The following ASPRV1 variants were observed in gnomAD, a reference collection of about 807,000 sequenced individuals.
The protein encoded by ASPRV1 is aspartic peptidase retroviral like 1.
ASPRV1 carries 7 observed loss-of-function variants against 11.0 expected under a neutral mutation model. The observed-to-expected ratio is 0.64, with a 90% CI of 0.36 to 1.20. The LOEUF (loss-of-function observed/expected upper bound fraction) is 1.20, where lower values mean the gene tolerates loss of function less well. Ranked by LOEUF, ASPRV1 falls within the 50% of genes most tolerant of loss-of-function variation. The pLI is 0.02. For synonymous variants in ASPRV1, 136 were observed against 138.4 expected, an observed-to-expected ratio of 0.98 and a Z score of 0.12; for missense variants, 299 against 320.0, an observed-to-expected ratio of 0.93 and a Z score of 0.50.
the ASPRV1 span, among the ~76,000 whole-genome samples, chr2:70,068,308 C>A: frequency 6.6e-6 from 1 of 152,172 alleles, no homozygotes; most frequent in African/African-American, 2.4e-5. Context: ...AGGAATGGGG[C>A]TGAAGTACAG....
chr2:69,933,526 T>C, the ASPRV1 span, among the ~76,000 whole-genome samples: 81,364 of 152,008 alleles, frequency 0.54, 23,756 homozygotes, highest in African/African-American at 0.79. Flanking sequence ...GCCCTTGTGC[T>C]ATTACCTCTT....
the ASPRV1 span, among the ~76,000 whole-genome samples, chr2:69,983,107 C>T: frequency 2.0e-5 from 3 of 152,094 alleles, no homozygotes; most frequent in Non-Finnish European, 4.4e-5. Context: ...TTAGTAGAGA[C>T]AGGGTTTCAC....
upstream of ASPRV1, chr2:69,963,140 C>A (rs1365081772): frequency 1.7e-5 from 7 of 401,904 alleles, no homozygotes; most frequent in Non-Finnish European, 3.5e-5. Flanking sequence ...CAAGACTGTG[C>A]TGTCCCCAGC....
At chr2:70,072,879 T>C in the ASPRV1 span, among the ~76,000 whole-genome samples, 3 of 147,798 alleles carry the variant, frequency 2.0e-5, no homozygotes, top group East Asian at 2.0e-4. Context: ...TAGTGAAACC[T>C]TGTCTCTATA....
At chr2:69,991,338 C>T in the ASPRV1 span, among the ~76,000 whole-genome samples, 1 of 152,180 alleles carries the variant, frequency 6.6e-6, no homozygotes, top group Non-Finnish European at 1.5e-5. Flanking sequence ...AAACCAGTCC[C>T]CTTGGGCCCC....
At chr2:70,005,893 C>A in the ASPRV1 span, among the ~76,000 whole-genome samples, 1 of 152,222 alleles carries the variant, frequency 6.6e-6, no homozygotes, top group Non-Finnish European at 1.5e-5. Context: ...CCCCTCAGCC[C>A]CTGTTTACAT....
chr2:69,961,960 C>T (rs972651678), upstream of ASPRV1: 47 of 387,858 alleles, frequency 1.2e-4, no homozygotes, highest in Admixed American at 6.2e-4. Context: ...AGGGACCAGA[C>T]GCCCATCAGC....
At chr2:69,995,501 G>A in the ASPRV1 span, 2 of 152,182 alleles carry the variant, frequency 1.3e-5, no homozygotes, top group African/African-American at 2.4e-5. Context: ...GAAGAAGTCA[G>A]AAATACAGTG....
At chr2:70,002,518 A>C in the ASPRV1 span, among the ~76,000 whole-genome samples, 5 of 152,344 alleles carry the variant, frequency 3.3e-5, no homozygotes, top group East Asian at 9.6e-4. Flanking sequence ...TTGAGGCTGC[A>C]TGTTGTGGGC....
the ASPRV1 span, among the ~76,000 whole-genome samples, chr2:69,951,729 T>G: frequency 6.6e-6 from 1 of 151,992 alleles, no homozygotes; most frequent in African/African-American, 2.4e-5. Flanking sequence ...GCAATAAAAA[T>G]GAACAATCAA....
upstream of ASPRV1, among the ~76,000 whole-genome samples, chr2:69,966,244 TTCAA>T (rs1678335950): frequency 6.6e-6 from 1 of 152,222 alleles, no homozygotes; most frequent in Non-Finnish European, 1.5e-5. Flanking sequence ...GTTTTTATCT[TTCAA>T]TCAAAGATGA....
the ASPRV1 span, among the ~76,000 whole-genome samples, chr2:70,004,992 T>C: frequency 2.6e-5 from 4 of 152,184 alleles, no homozygotes; most frequent in African/African-American, 7.2e-5. Context: ...TGCATGAAGA[T>C]GCTGCAGTGT....
At chr2:70,007,026 A>C in the ASPRV1 span, among the ~76,000 whole-genome samples, 1 of 152,294 alleles carries the variant, frequency 6.6e-6, no homozygotes, top group East Asian at 1.9e-4. Flanking sequence ...CTTCATTGTG[A>C]CATACAGGCA....
At chr2:69,998,871 T>C in the ASPRV1 span, among the ~76,000 whole-genome samples, 1 of 152,162 alleles carries the variant, frequency 6.6e-6, no homozygotes, top group Non-Finnish European at 1.5e-5. Flanking sequence ...GCTCCGGGCA[T>C]GACTGACAGG....
At chr2:69,984,596 G>T in the ASPRV1 span, among the ~76,000 whole-genome samples, 15 of 149,676 alleles carry the variant, frequency 1.0e-4, no homozygotes, top group East Asian at 1.6e-3. Context: ...GATAGAAAGG[G>T]GATTCAGGTC....
At chr2:69,971,492 C>T in the ASPRV1 span, among the ~76,000 whole-genome samples, 31 of 152,226 alleles carry the variant, frequency 2.0e-4, no homozygotes, top group East Asian at 4.6e-3. Context: ...TGTTCTAAGG[C>T]GCAGGATCGT....
At chr2:69,969,212 C>T in the ASPRV1 span, among the ~76,000 whole-genome samples, 2 of 152,200 alleles carry the variant, frequency 1.3e-5, no homozygotes, top group African/African-American at 4.8e-5. Flanking sequence ...GGGGTTGAAT[C>T]TGCCTGGAGG....
At chr2:70,034,154 TAAAAAAAAAAA>T in the ASPRV1 span, among the ~76,000 whole-genome samples, 2 of 69,252 alleles carry the variant, frequency 2.9e-5, no homozygotes, top group Admixed American at 1.9e-4. Context: ...CTCCATCTCA[TAAAAAAAAAAA>T]AAAAAAAAAA....
the ASPRV1 span, among the ~76,000 whole-genome samples, chr2:69,990,522 G>C: frequency 4.6e-5 from 7 of 152,002 alleles, no homozygotes; most frequent in Non-Finnish European, 8.8e-5. Context: ...CTGCGGCCCA[G>C]GCTGGAGTGC....
Sources: gnomAD v4.1 joint callset for allele counts (sites outside exome capture counted in the v4.1 genomes callset) on GRCh38, gnomAD v4.1.1 for gene constraint, MANE v1.5 for transcripts, NCBI Gene and HGNC (gene_info 2026-07-23, HGNC 2026-07-21) for gene names.